The following FHIP1A variants were observed in gnomAD, a reference collection of about 807,000 sequenced individuals.
FHIP1A encodes FHF complex subunit HOOK interacting protein 1A, also known as FHF complex subunit HOOK-interacting protein 1A.
FHIP1A carries 61 observed loss-of-function variants against 88.6 expected under a neutral mutation model. The ratio of observed to expected loss-of-function variants is 0.69; its 90% CI spans 0.56 to 0.85. FHIP1A has a LOEUF of 0.85. Ranked by LOEUF, FHIP1A falls within the 40% of genes least tolerant of loss-of-function variation. FHIP1A has a pLI of 0.00. For synonymous variants in FHIP1A, 478 were observed against 496.0 expected, an observed-to-expected ratio of 0.96 and a Z score of 0.48; for missense variants, 1,154 against 1,273.5, an observed-to-expected ratio of 0.91 and a Z score of 1.43.
At chr4:151,526,983 G>A (rs1173538777) in intron 3 of FHIP1A, among the ~76,000 whole-genome samples, 2 of 150,458 alleles carry the variant, frequency 1.3e-5, no homozygotes, top group African/African-American at 4.9e-5. Context: ...GGGAAGAGGT[G>A]CTCCTCACTT....
rs759490206 is a variant in FHIP1A at position 151,649,971 on chromosome 4, G to T, written c.1930G>T (p.Val644Leu). The change falls in exon 11 of 14, where the codon GTG (valine) becomes TTG (leucine). Residue 644 changes from valine (V) to leucine (L), a missense_variant. By Grantham distance (32) the Val-to-Leu change is conservative. Transcript: ENST00000435205. ...GTCGGACTTTCAGGATGATGTGATG[G>T]TGTACAGGCTGTGTGCTGAGAAGGA... ...EESDFQDDVMVYRLCAEKDSE... is the reference protein window; with the variant it reads ...EESDFQDDVMLYRLCAEKDSE... The T allele has an allele frequency of 9.0e-6, 14 of 1,551,538 alleles. No individual in the cohort carries two copies. Among genetic ancestry groups the T allele is most frequent in the South Asian group, 1.2e-5 (1 of 84,050 alleles).
chr4:151,526,048 A>G (rs930101744), intron 3 of FHIP1A, among the ~76,000 whole-genome samples: 3 of 150,796 alleles, frequency 2.0e-5, no homozygotes, highest in Admixed American at 6.6e-5. Flanking sequence ...GATACAGCAC[A>G]TGTTTCAGAT....
In FHIP1A at chr4:151,504,334, A is replaced by C. The variant is rs150344986; in HGVS notation, c.-123+21686A>C. Among the ~76,000 whole-genome samples the C allele has an allele frequency of 8.5e-5, 13 of 152,282 alleles. No homozygotes were observed. The East Asian group carries it at 2.5e-3, about 29-fold the overall frequency. ...GTAATACCAGCTTTGGAAAAATTCT[A>C]GGTTAGACTTAACATGAGTATCTCC... On this transcript the variant is annotated intron_variant, in intron 3 of 13. Coordinates refer to ENST00000435205, the MANE Select transcript of FHIP1A (RefSeq NM_001109977.3).
At chr4:151,428,218 A>T (rs1733459171) in intron 1 of FHIP1A, among the ~76,000 whole-genome samples, 4 of 152,012 alleles carry the variant, frequency 2.6e-5, no homozygotes, top group Admixed American at 2.6e-4. Flanking sequence ...CTTGAGTTTC[A>T]TTTTTCTCTT....
intron 3 of FHIP1A, among the ~76,000 whole-genome samples, chr4:151,519,497 T>G (rs1224464336): frequency 6.6e-6 from 1 of 152,174 alleles, no homozygotes; most frequent in African/African-American, 2.4e-5. Flanking sequence ...TGGGGGTATT[T>G]TCATCTTTTA....
At chr4:151,623,817 T>C (rs1468961971) in intron 7 of FHIP1A, among the ~76,000 whole-genome samples, 1 of 152,194 alleles carries the variant, frequency 6.6e-6, no homozygotes, top group Non-Finnish European at 1.5e-5. Flanking sequence ...CTCTATTATC[T>C]TCCTCTCGCT....
chr4:151,616,816 T>C (rs1233017796), intron 7 of FHIP1A, among the ~76,000 whole-genome samples: 1 of 151,918 alleles, frequency 6.6e-6, no homozygotes, highest in Non-Finnish European at 1.5e-5. Context: ...GGCACAATAT[T>C]GGCTCACTGC....
intron 8 of FHIP1A, among the ~76,000 whole-genome samples, chr4:151,635,786 A>G (rs575334130): frequency 6.6e-6 from 1 of 152,074 alleles, no homozygotes; most frequent in African/African-American, 2.4e-5. Context: ...CAAAATGTAA[A>G]TGTTTTAGAG....
chr4:151,649,886 A>G lies in FHIP1A; in HGVS notation c.1845A>G (p.Lys615=). Residue 615 remains lysine (K), a synonymous_variant, in exon 11 of 14, where the codon AAA becomes AAG. Transcript: ENST00000435205. ...SGPPAPIDPP[K]HIQEMKKNAL... Reference sequence around the variant, plus strand: ...CCCCAGCACCCATTGATCCCCCCAAACACATCCAGGAGATGAAGAAGAATG... The same window carrying G: ...CCCCAGCACCCATTGATCCCCCCAAGCACATCCAGGAGATGAAGAAGAATG... 1 of 1,551,344 alleles carries G rather than the reference A, an allele frequency of 6.4e-7. No individual in the cohort carries two copies. The highest frequency in any genetic ancestry group is 1.4e-5 in the African/African-American group (1 of 73,054).
intron 4 of FHIP1A, among the ~76,000 whole-genome samples, chr4:151,567,301 G>A (rs149650186): frequency 2.9e-4 from 44 of 152,098 alleles, no homozygotes; most frequent in Non-Finnish European, 3.5e-4. Context: ...TCTTGTGGCC[G>A]GAAACAGCAC....
At chr4:151,424,696 G>A (rs766081966) in intron 1 of FHIP1A, among the ~76,000 whole-genome samples, 3 of 151,956 alleles carry the variant, frequency 2.0e-5, no homozygotes, top group Non-Finnish European at 4.4e-5. Flanking sequence ...CAGTTGAGAA[G>A]TTATACTCAT....
In FHIP1A at chr4:151,650,153, G is replaced by A. The variant is rs369186709; in HGVS notation, c.2112G>A (p.Pro704=). Residue 704 remains proline, a synonymous_variant, in exon 11 of 14, where the codon CCG becomes CCA. Transcript: ENST00000435205. ...AGTGGAATAGGGACAATTCAGACCC[G>A]TTTCACAGTGAGCCCAAGGAGCCAA... ...EEEWNRDNSD[P]FHSEPKEPKQ... is the part of the protein sequence containing the mutation. The A allele has an allele frequency of 1.3e-4, 199 of 1,551,672 alleles. No homozygotes were observed. Among genetic ancestry groups the A allele is most frequent in the African/African-American group, 2.6e-4 (19 of 73,134 alleles).
At chr4:151,522,907 A>G (rs1439818560) in intron 3 of FHIP1A, among the ~76,000 whole-genome samples, 1 of 152,208 alleles carries the variant, frequency 6.6e-6, no homozygotes, top group African/African-American at 2.4e-5. Flanking sequence ...ATCACCGTCA[A>G]GGAGAGTGTG....
At chr4:151,600,721 CCTT>C (rs1445787447) in intron 7 of FHIP1A, among the ~76,000 whole-genome samples, 2 of 152,258 alleles carry the variant, frequency 1.3e-5, no homozygotes, top group African/African-American at 2.4e-5. Context: ...CTCTCTCTCT[CCTT>C]CTTTCCCTCC....
At chr4:151,456,716 CTA>C (rs1437453610) in intron 2 of FHIP1A, among the ~76,000 whole-genome samples, 4 of 151,572 alleles carry the variant, frequency 2.6e-5, no homozygotes, top group Non-Finnish European at 5.9e-5. Flanking sequence ...TTAGAAATAA[CTA>C]TTGTTATGCC....
intron 1 of FHIP1A, among the ~76,000 whole-genome samples, chr4:151,438,055 G>GC (rs1196744769): frequency 1.3e-5 from 2 of 150,408 alleles, no homozygotes; most frequent in Admixed American, 1.3e-4. Context: ...CCACCCCCCA[G>GC]CCCCCCAAAC....
intron 3 of FHIP1A, among the ~76,000 whole-genome samples, chr4:151,558,838 C>A (rs1233932636): frequency 6.6e-6 from 1 of 152,174 alleles, no homozygotes; most frequent in African/African-American, 2.4e-5. Flanking sequence ...ATTAATTTTA[C>A]AAATTCCTAG....
chr4:151,610,775 G>T (rs1278646110), intron 7 of FHIP1A, among the ~76,000 whole-genome samples: 2 of 152,158 alleles, frequency 1.3e-5, no homozygotes, highest in Non-Finnish European at 2.9e-5. Context: ...TTCCTGATCA[G>T]TGCAGGCATA....
At chr4:151,660,602 A>C (rs1428624003) in intron 13 of FHIP1A, among the ~76,000 whole-genome samples, 3 of 152,240 alleles carry the variant, frequency 2.0e-5, no homozygotes, top group Non-Finnish European at 4.4e-5. Context: ...GATAGGGCTC[A>C]GCCCTGAGAA....
Sources: gnomAD v4.1 joint callset for allele counts (sites outside exome capture counted in the v4.1 genomes callset) on GRCh38, gnomAD v4.1.1 for gene constraint, MANE v1.5 for transcripts, NCBI Gene and HGNC (gene_info 2026-07-23, HGNC 2026-07-21) for gene names.